The following CELF2 variants were observed in gnomAD, a reference collection of about 807,000 sequenced individuals.
The protein encoded by CELF2 is CUG triplet repeat RNA-binding protein 2.
In CELF2, 8 loss-of-function variants were observed where a neutral mutation model predicts 62.6. That is an observed-to-expected ratio of 0.13 (90% CI 0.07 to 0.23). The LOEUF (loss-of-function observed/expected upper bound fraction) is 0.23, where lower values mean the gene tolerates loss of function less well. Ranked by LOEUF, CELF2 falls within the 10% of genes least tolerant of loss-of-function variation. The probability of loss-of-function intolerance (pLI) is 1.00; values close to 1 mark genes in which losing one functional copy is unlikely to be tolerated. For synonymous variants in CELF2, 258 were observed against 250.0 expected (o/e 1.03, Z -0.30); for missense variants, 333 against 671.0 (o/e 0.50, Z 5.56).
At position 10,936,228 on chromosome 10, in the gene CELF2, G is replaced by T. The variant is rs117930844; in HGVS notation, c.89+16229G>T. On this transcript the variant is annotated intron_variant, in intron 2 of 13. Coordinates refer to the CELF2 transcript ENST00000636488. The surrounding 1 kb of genome is among the most constrained non-coding windows in gnomAD (Gnocchi z 4.0). The stretch of plus-strand genomic sequence containing the variant: ...GAAACAATAAGTCTTGCAGAGGTTA[G>T]AAAGAAGGTAAAGAAATGGTTACTT... Among the ~76,000 whole-genome samples the T allele has an allele frequency of 8.4e-4, 128 of 152,248 alleles. No homozygotes were observed. Among genetic ancestry groups the T allele is most frequent in the Non-Finnish European group, 9.0e-4 (61 of 68,010 alleles).
the CELF2 span, among the ~76,000 whole-genome samples, chr10:10,520,725 A>C: frequency 6.6e-6 from 1 of 152,162 alleles, no homozygotes; most frequent in South Asian, 2.1e-4. Flanking sequence ...ATTAGGAACA[A>C]GACAAAGGAG....
chr10:11,262,069 C>T (rs534822521), intron 5 of CELF2, among the ~76,000 whole-genome samples: 2 of 152,162 alleles, frequency 1.3e-5, no homozygotes, highest in Non-Finnish European at 2.9e-5. Context: ...GTAGGCAAAT[C>T]TTCACTGCCA....
intron 2 of CELF2, among the ~76,000 whole-genome samples, chr10:11,168,160 T>C (rs921620855): frequency 6.6e-6 from 1 of 152,232 alleles, no homozygotes; most frequent in South Asian, 2.1e-4. Context: ...CTCAGGTGTT[T>C]AGATTGTACA....
At chr10:10,629,863 A>AAAAAAAAAC in the CELF2 span, among the ~76,000 whole-genome samples, 1 of 72,578 alleles carries the variant, frequency 1.4e-5, no homozygotes, top group Admixed American at 1.4e-4. Context: ...CTGAAGACCA[A>AAAAAAAAAC]AAAAAAAAAA....
chr10:10,852,771 C>T (rs1036439317), intron 1 of CELF2, among the ~76,000 whole-genome samples: 22 of 152,228 alleles, frequency 1.4e-4, no homozygotes, highest in African/African-American at 5.3e-4. Flanking sequence ...TGTGAATCTA[C>T]AGTTTTCTCA....
chr10:10,666,045 C>G, the CELF2 span, among the ~76,000 whole-genome samples: 3 of 152,186 alleles, frequency 2.0e-5, no homozygotes, highest in African/African-American at 4.8e-5. Context: ...AGAGAAAATC[C>G]TTCGATTGGC....
intron 1 of CELF2, among the ~76,000 whole-genome samples, chr10:10,905,809 C>T (rs557562556): frequency 2.7e-5 from 4 of 150,936 alleles, no homozygotes; most frequent in Non-Finnish European, 2.9e-5. Flanking sequence ...ACCCAGGAGG[C>T]GGAGCTTGCA....
chr10:10,989,737 G>A (rs1351993248), intron 2 of CELF2, among the ~76,000 whole-genome samples: 1 of 151,724 alleles, frequency 6.6e-6, no homozygotes. Flanking sequence ...TATGATTTGT[G>A]GGAAAAAATC....
the CELF2 span, among the ~76,000 whole-genome samples, chr10:10,503,538 T>G: frequency 6.6e-6 from 1 of 152,018 alleles, no homozygotes; most frequent in East Asian, 1.9e-4. Flanking sequence ...CACTCCTACT[T>G]TCGCTTGATT....
rs561842561 is a variant in CELF2 at position 11,190,324 on chromosome 10, CG to C, written c.271+24643del. Among the ~76,000 whole-genome samples the C allele has an allele frequency of 3.5e-4, 51 of 144,694 alleles. 2 individuals carry two copies. The South Asian group carries it at 0.012, about 35-fold the overall frequency. The allele number at this position is 144,694 out of a possible 152,430, so 94.9% of individuals were successfully genotyped here. A position where few individuals can be genotyped will look rare whatever the true frequency, so the allele number is the denominator to read the frequency against. ...ATTAGGTATTGATGAAATTTTGGCC[CG>C]ATGATAAAGAATATCTTAGGCTAAA... is the stretch of plus-strand genomic sequence containing the variant. On this transcript the variant is annotated intron_variant, in intron 2 of 12. Coordinates refer to ENST00000633077, the MANE Select transcript of CELF2 (RefSeq NM_001326342.2).
chr10:10,483,214 CAAA>C, the CELF2 span, among the ~76,000 whole-genome samples: 1,462 of 93,386 alleles, frequency 0.016, 15 homozygotes, highest in African/African-American at 0.054. Context: ...GGCAGAATAC[CAAA>C]AAAAAAAAAA....
At chr10:10,860,505 A>G (rs1373352694) in intron 1 of CELF2, among the ~76,000 whole-genome samples, 1 of 152,232 alleles carries the variant, frequency 6.6e-6, no homozygotes, top group African/African-American at 2.4e-5. Context: ...AAAGTATAAG[A>G]GAAAAAAGTC....
At chr10:10,729,578 G>T in the CELF2 span, among the ~76,000 whole-genome samples, 1 of 151,924 alleles carries the variant, frequency 6.6e-6, no homozygotes, top group Non-Finnish European at 1.5e-5. Flanking sequence ...CTACACTCCA[G>T]CCTGGGCAAC....
chr10:11,004,431 G>GTC (rs1405571076), upstream of CELF2, among the ~76,000 whole-genome samples: 5 of 151,908 alleles, frequency 3.3e-5, no homozygotes, highest in African/African-American at 9.7e-5. The surrounding 1 kb of genome is among the most constrained non-coding windows in gnomAD (Gnocchi z 5.0). Flanking sequence ...GCGTGTGTGT[G>GTC]TGTGTGTGTG....
chr10:10,967,841 G>A (rs959539772), intron 2 of CELF2, among the ~76,000 whole-genome samples: 4 of 152,248 alleles, frequency 2.6e-5, no homozygotes, highest in South Asian at 2.1e-4. Context: ...ACAGATAGCC[G>A]AAGTGTCTTG....
chr10:10,866,833 T>C (rs2060407839), intron 1 of CELF2, among the ~76,000 whole-genome samples: 1 of 147,730 alleles, frequency 6.8e-6, no homozygotes, highest in Non-Finnish European at 1.5e-5. Flanking sequence ...GGCAGGAGAA[T>C]CGCTTGAACC....
At chr10:10,986,243 T>C (rs1340338186) in intron 2 of CELF2, among the ~76,000 whole-genome samples, 1 of 152,208 alleles carries the variant, frequency 6.6e-6, no homozygotes, top group African/African-American at 2.4e-5. Context: ...ATTCTAAAGA[T>C]TGATTTTCAT....
chr10:10,737,028 A>G, the CELF2 span, among the ~76,000 whole-genome samples: 4 of 151,464 alleles, frequency 2.6e-5, no homozygotes, highest in South Asian at 8.3e-4. Context: ...AAATCTCAGC[A>G]GACCCTATGA....
the CELF2 span, among the ~76,000 whole-genome samples, chr10:10,752,477 T>C: frequency 6.6e-6 from 1 of 150,680 alleles, no homozygotes; most frequent in Non-Finnish European, 1.5e-5. Context: ...GATCATGAGG[T>C]CAGGAGATTG....
Sources: gnomAD v4.1 joint callset for allele counts (sites outside exome capture counted in the v4.1 genomes callset) on GRCh38, gnomAD v4.1.1 for gene constraint, Gnocchi (gnomAD v3.1) non-coding constraint, MANE v1.5 for transcripts, NCBI Gene and HGNC (gene_info 2026-07-23, HGNC 2026-07-21) for gene names.